Variants in ADAMTS3 observed in about 807,000 individuals in gnomAD.
ADAMTS3 encodes the protein A disintegrin and metalloproteinase with thrombospondin motifs 3.
Under a neutral mutation model 129.0 loss-of-function variants are expected in ADAMTS3, and 73 were observed. The observed-to-expected ratio is 0.57, with a 90% CI of 0.47 to 0.69. ADAMTS3 has a LOEUF of 0.69. ADAMTS3 is among the 30% of genes least tolerant of loss of function. ADAMTS3 has a pLI of 0.00. For missense variants in ADAMTS3, 1,457 were observed against 1,514.5 expected, an observed-to-expected ratio of 0.96 and a Z score of 0.63; for synonymous variants, 477 against 510.8, an observed-to-expected ratio of 0.93 and a Z score of 0.89.
At chr4:72,544,222 G>A (rs1163111488) in intron 3 of ADAMTS3, among the ~76,000 whole-genome samples, 2 of 152,074 alleles carry the variant, frequency 1.3e-5, no homozygotes, top group Non-Finnish European at 2.9e-5. Context: ...TCTTGTTTTA[G>A]AGGCAGAGAA....
At chr4:72,530,063 T>TATATTTATATATA (rs1560553567) in intron 3 of ADAMTS3, among the ~76,000 whole-genome samples, 29 of 1,626 alleles carry the variant, frequency 0.018, 9 homozygotes, top group South Asian at 0.021. Context: ...TATAATATGT[T>TATATTTATATATA]ATATATAACA....
chr4:72,554,802 G>A (rs1721723524), intron 2 of ADAMTS3, among the ~76,000 whole-genome samples: 1 of 151,786 alleles, frequency 6.6e-6, no homozygotes, highest in East Asian at 1.9e-4. Flanking sequence ...CCAAAATACT[G>A]TCTAAATTGC....
intron 3 of ADAMTS3, among the ~76,000 whole-genome samples, chr4:72,501,472 C>T (rs944102993): frequency 2.0e-5 from 3 of 152,002 alleles, no homozygotes; most frequent in African/African-American, 2.4e-5. Flanking sequence ...GATTTTGTAT[C>T]CTGAAACTTC....
At chr4:72,330,005 CCAAAGTTTGGTTTT>C (rs1719804187) in intron 5 of ADAMTS3, among the ~76,000 whole-genome samples, 1 of 151,942 alleles carries the variant, frequency 6.6e-6, no homozygotes, top group Non-Finnish European at 1.5e-5. Flanking sequence ...CTGATGAATT[CCAAAGTTTGGTTTT>C]TTTGTTTGTT....
At chr4:72,481,597 G>GA (rs568616096) in intron 3 of ADAMTS3, among the ~76,000 whole-genome samples, 1 of 151,864 alleles carries the variant, frequency 6.6e-6, no homozygotes, top group African/African-American at 2.4e-5. Flanking sequence ...AAGACTTTTA[G>GA]AAAAAAACAT....
intron 3 of ADAMTS3, among the ~76,000 whole-genome samples, chr4:72,530,794 T>C (rs62319470): frequency 1.8e-4 from 17 of 92,108 alleles, no homozygotes; most frequent in Non-Finnish European, 2.8e-4. Context: ...ATACATTATA[T>C]ATTATATATA....
At chr4:72,512,761 A>T (rs1720350305) in intron 3 of ADAMTS3, among the ~76,000 whole-genome samples, 1 of 152,150 alleles carries the variant, frequency 6.6e-6, no homozygotes, top group African/African-American at 2.4e-5. Flanking sequence ...AAAAGTATAA[A>T]TAAAAAAATA....
In ADAMTS3 at chr4:72,323,005, A is replaced by G. The variant is rs1719599362; in HGVS notation, c.945+9T>C. 2 of 1,606,242 alleles carry G rather than the reference A, an allele frequency of 1.2e-6. No homozygotes were observed. Among genetic ancestry groups the G allele is most frequent in the Non-Finnish European group, 1.7e-6 (2 of 1,173,506 alleles). ...TAATGTTTATAATTCATGTTTTAAG[A>G]CATTTTACCTTTGCATATCCCAGCA... On this transcript the variant is annotated intron_variant, in intron 6 of 21. Coordinates refer to ENST00000286657, the MANE Select transcript of ADAMTS3 (RefSeq NM_014243.3).
intron 21 of ADAMTS3, among the ~76,000 whole-genome samples, chr4:72,286,205 A>C (rs771772954): frequency 5.9e-5 from 9 of 152,236 alleles, no homozygotes; most frequent in Non-Finnish European, 1.0e-4. Context: ...GTAGAAATGC[A>C]CAGCTGTACC....
chr4:72,429,373 A>G (rs1259204146), intron 3 of ADAMTS3, among the ~76,000 whole-genome samples: 2 of 152,084 alleles, frequency 1.3e-5, no homozygotes, highest in Non-Finnish European at 2.9e-5. Flanking sequence ...GATATTTTAT[A>G]AAAAACGTAT....
intron 3 of ADAMTS3, among the ~76,000 whole-genome samples, chr4:72,510,060 A>G (rs1019429044): frequency 8.1e-6 from 1 of 123,994 alleles, no homozygotes; most frequent in African/African-American, 3.3e-5. Context: ...ATAAAATTCA[A>G]TGTCCCTTCA....
intron 4 of ADAMTS3, among the ~76,000 whole-genome samples, chr4:72,351,320 C>G (rs1032284021): frequency 6.6e-6 from 1 of 151,768 alleles, no homozygotes; most frequent in Non-Finnish European, 1.5e-5. Flanking sequence ...TACAGGGTAA[C>G]ATGCCTTAAA....
chr4:72,538,954 T>C (rs964613017), intron 3 of ADAMTS3, among the ~76,000 whole-genome samples: 7 of 152,124 alleles, frequency 4.6e-5, no homozygotes, highest in African/African-American at 1.7e-4. Context: ...GAAAACTTGA[T>C]ATCCACATGC....
At chr4:72,437,910 C>G (rs1271747821) in intron 3 of ADAMTS3, among the ~76,000 whole-genome samples, 1 of 151,662 alleles carries the variant, frequency 6.6e-6, no homozygotes, top group Non-Finnish European at 1.5e-5. Flanking sequence ...AAAACAAAAA[C>G]ACCCTCGATA....
intron 4 of ADAMTS3, among the ~76,000 whole-genome samples, chr4:72,351,906 G>A (rs1441106088): frequency 6.6e-6 from 1 of 151,800 alleles, no homozygotes; most frequent in Non-Finnish European, 1.5e-5. Flanking sequence ...ACGTTACAGA[G>A]GTAAAGGCAA....
intron 4 of ADAMTS3, among the ~76,000 whole-genome samples, chr4:72,354,696 T>G (rs182710274): frequency 5.9e-5 from 9 of 152,148 alleles, no homozygotes; most frequent in Non-Finnish European, 1.0e-4. Context: ...GTCATTCGCT[T>G]ATCTCAACAT....
chr4:72,450,969 AAGAAG>A (rs67162859), intron 3 of ADAMTS3, among the ~76,000 whole-genome samples: 2,917 of 140,100 alleles, frequency 0.021, 62 homozygotes, highest in African/African-American at 0.043. Context: ...GGCAGGCAAA[AAGAAG>A]AGAAGAGAAG....
intron 3 of ADAMTS3, among the ~76,000 whole-genome samples, chr4:72,473,767 A>C (rs1719147689): frequency 6.6e-6 from 1 of 152,276 alleles, no homozygotes; most frequent in East Asian, 1.9e-4. Context: ...CCATATGAAA[A>C]ACCAAGACTC....
chr4:72,448,019 G>C (rs1367828263), intron 3 of ADAMTS3, among the ~76,000 whole-genome samples: 1 of 151,560 alleles, frequency 6.6e-6, no homozygotes, highest in African/African-American at 2.4e-5. Flanking sequence ...GGACCTCTCT[G>C]TTTTTATCTC....
Sources: gnomAD v4.1 joint callset for allele counts (sites outside exome capture counted in the v4.1 genomes callset) on GRCh38, gnomAD v4.1.1 for gene constraint, MANE v1.5 for transcripts, NCBI Gene and HGNC (gene_info 2026-07-23, HGNC 2026-07-21) for gene names.